Variants in WWC2 observed in about 807,000 individuals in gnomAD.
WWC2 encodes the protein WW and C2 domain containing 2.
Under a neutral mutation model 138.5 loss-of-function variants are expected in WWC2, and 101 were observed. The observed-to-expected ratio is 0.73, with a 90% confidence interval of 0.62 to 0.86. The LOEUF (loss-of-function observed/expected upper bound fraction) is 0.86, where lower values mean the gene tolerates loss of function less well. Ranked by LOEUF, WWC2 falls within the 40% of genes least tolerant of loss-of-function variation. WWC2 has a pLI of 0.00. For synonymous variants in WWC2, 558 were observed against 538.4 expected (o/e 1.04, Z -0.50); for missense variants, 1,420 against 1,419.4 (o/e 1.00, Z -0.01).
chr4:183,209,092 G>A (rs1217409594), intron 4 of WWC2, 67 bp downstream of exon 4: 2 of 1,147,118 alleles, frequency 1.7e-6, no homozygotes, highest in Non-Finnish European at 2.5e-6. Context: ...TGTGGAAGGG[G>A]CTTTAGTGAT....
intron 1 of WWC2, among the ~76,000 whole-genome samples, chr4:183,120,473 G>A (rs1178771464): frequency 6.6e-6 from 1 of 152,174 alleles, no homozygotes; most frequent in Non-Finnish European, 1.5e-5. Context: ...GAGTAAGACT[G>A]TAGACTAGGG....
intron 8 of WWC2, 77 bp from the exon 9 acceptor site, chr4:183,253,680 A>G: frequency 6.5e-7 from 1 of 1,536,324 alleles, no homozygotes. Context: ...TGTCAACACC[A>G]AATTTGGCTT....
intron 1 of WWC2, among the ~76,000 whole-genome samples, chr4:183,154,158 G>A (rs745362336): frequency 3.3e-5 from 5 of 152,110 alleles, no homozygotes; most frequent in Non-Finnish European, 5.9e-5. Context: ...GCACATTTGT[G>A]TTTTTGTAGT....
chr4:183,234,089 T>C (rs1045312231), intron 4 of WWC2, among the ~76,000 whole-genome samples: 4 of 152,208 alleles, frequency 2.6e-5, no homozygotes, highest in Non-Finnish European at 1.5e-5. Context: ...TTACTTTTCC[T>C]TCATTGTCAT....
At chr4:183,272,269 A>G (rs1167609311) in intron 16 of WWC2, among the ~76,000 whole-genome samples, 2 of 152,246 alleles carry the variant, frequency 1.3e-5, no homozygotes, top group Non-Finnish European at 2.9e-5. Context: ...GGAAACAAAC[A>G]TAACGGTACA....
chr4:183,164,883 A>G (rs116777155), intron 1 of WWC2, among the ~76,000 whole-genome samples: 46 of 152,310 alleles, frequency 3.0e-4, no homozygotes, highest in Non-Finnish European at 5.7e-4. Context: ...TTAATGACCA[A>G]TGGTATACTG....
chr4:183,100,008 C>T (rs958554496), intron 1 of WWC2, among the ~76,000 whole-genome samples: 1 of 152,226 alleles, frequency 6.6e-6, no homozygotes, highest in East Asian at 1.9e-4. Context: ...GGCCTCACTG[C>T]CAGTTGGGGA....
At chr4:183,296,709 G>A (rs12511475) in intron 21 of WWC2, among the ~76,000 whole-genome samples, 54,164 of 151,518 alleles carry the variant, frequency 0.36, 10,434 homozygotes, top group Middle Eastern at 0.48. Flanking sequence ...CAAGGCGGGC[G>A]GATCACGAGG....
intron 1 of WWC2, among the ~76,000 whole-genome samples, chr4:183,183,884 T>C (rs1734716615): frequency 6.6e-6 from 1 of 152,254 alleles, no homozygotes; most frequent in Non-Finnish European, 1.5e-5. Context: ...ATTAGTGATG[T>C]TTAACATTTT....
chr4:183,260,824 C>G, intron 10 of WWC2, 86 bp from the exon 11 acceptor site: 1 of 1,501,294 alleles, frequency 6.7e-7, no homozygotes, highest in Non-Finnish European at 8.9e-7. Context: ...TTTCTTCCCT[C>G]TGCAGATCTG....
In WWC2 at chr4:183,099,558, G is replaced by A; in HGVS notation, c.67G>A (p.Asp23Asn). 7.0e-7 allele frequency: 1 copy of A among 1,423,560 alleles called. No homozygotes were observed. The highest frequency in any genetic ancestry group is 9.3e-7 in the Non-Finnish European group (1 of 1,072,702). 88.2% of individuals were successfully genotyped at this position (1,423,560 alleles called of 1,614,324 possible). A position where few individuals can be genotyped will look rare whatever the true frequency, so the allele number is the denominator to read the frequency against. The part of the protein sequence containing the change: ...PRGWEEARDY[D>N]GKVFYIDHNT... The stretch of plus-strand genomic sequence containing the variant: ...GGGCTGGGAGGAGGCCAGGGACTAC[G>A]ACGGCAAGGTCTTCTACATTGACCA... The change falls in exon 1 of 23, where the codon GAC (aspartate) becomes AAC (asparagine). Residue 23 changes from aspartate to asparagine, a missense_variant. Physicochemically the swap from Asp to Asn is conservative, Grantham distance 23. Coordinates refer to ENST00000403733, the MANE Select transcript of WWC2 (RefSeq NM_024949.6).
At chr4:183,151,422 G>A (rs1426368566) in intron 1 of WWC2, among the ~76,000 whole-genome samples, 8 of 152,166 alleles carry the variant, frequency 5.3e-5, no homozygotes, top group South Asian at 4.1e-4. Flanking sequence ...TAAGTTCTTC[G>A]TAGATTCTGG....
chr4:183,138,814 A>G (rs1386696400), intron 1 of WWC2, among the ~76,000 whole-genome samples: 1 of 152,138 alleles, frequency 6.6e-6, no homozygotes, highest in African/African-American at 2.4e-5. Context: ...TAACACATTT[A>G]GTTGTCTTAA....
At chr4:183,129,561 C>T (rs1732859860) in intron 1 of WWC2, among the ~76,000 whole-genome samples, 1 of 152,176 alleles carries the variant, frequency 6.6e-6, no homozygotes, top group Admixed American at 6.6e-5. Flanking sequence ...TAATCCAATT[C>T]TTCAGTTGTT....
rs150048701 is a variant in WWC2, at chr4:183,307,240, G to A, written c.3385-5101G>A. On this transcript the variant is annotated intron_variant, in intron 21 of 22. Transcript: ENST00000403733. ...CTGCACACTTCTAAATAACAGATGGGTCAAAGGAGAAATCTTAAGAAAAAT... is the reference window on the plus strand; with the variant it reads ...CTGCACACTTCTAAATAACAGATGGATCAAAGGAGAAATCTTAAGAAAAAT... 5.2e-3 allele frequency among the ~76,000 whole-genome samples: 793 copies of A among 152,250 alleles called. 10 individuals are homozygous for A. The highest frequency in any genetic ancestry group is 0.018 in the African/African-American group (738 of 41,538).
At chr4:183,299,425 G>C (rs890645687) in intron 21 of WWC2, among the ~76,000 whole-genome samples, 6 of 152,128 alleles carry the variant, frequency 3.9e-5, no homozygotes, top group Non-Finnish European at 8.8e-5. Flanking sequence ...ACAAAACAAG[G>C]TGCATTTATC....
chr4:183,208,896 G>T, intron 3 of WWC2, 53 bp from the exon 4 acceptor site: 1 of 1,234,258 alleles, frequency 8.1e-7, no homozygotes, highest in South Asian at 1.4e-5. Context: ...TCTAAGCTGA[G>T]AACTAGTTAT....
intron 17 of WWC2, chr4:183,281,103 C>T (rs893895178): frequency 3.3e-6 from 2 of 604,894 alleles, no homozygotes; most frequent in African/African-American, 1.9e-5. Flanking sequence ...AAAACATTAG[C>T]CAGATTCTTT....
At chr4:183,239,687 G>A (rs1341230092) in intron 4 of WWC2, among the ~76,000 whole-genome samples, 1 of 152,036 alleles carries the variant, frequency 6.6e-6, no homozygotes, top group Admixed American at 6.6e-5. Context: ...GCAGGGGCAG[G>A]GGGGCTAGAG....
Sources: gnomAD v4.1 joint callset for allele counts (sites outside exome capture counted in the v4.1 genomes callset) on GRCh38, gnomAD v4.1.1 for gene constraint, MANE v1.5 for transcripts, NCBI Gene and HGNC (gene_info 2026-07-23, HGNC 2026-07-21) for gene names.